The following ADAM20 variants were observed in gnomAD, a reference collection of about 807,000 sequenced individuals.
ADAM20 encodes the protein ADAM metallopeptidase domain 20, also known as disintegrin and metalloproteinase domain-containing protein 20.
For missense variants in ADAM20, 871 were observed against 883.2 expected (o/e 0.99, Z 0.18); for synonymous variants, 305 against 310.2 (o/e 0.98, Z 0.18).
the ADAM20 span, among the ~76,000 whole-genome samples, chr14:70,570,496 C>G: frequency 6.6e-6 from 1 of 152,158 alleles, no homozygotes; most frequent in Non-Finnish European, 1.5e-5. Flanking sequence ...AGGAACATCT[C>G]TATGCACACA....
the ADAM20 span, among the ~76,000 whole-genome samples, chr14:70,546,733 C>T: frequency 6.6e-6 from 1 of 152,000 alleles, no homozygotes; most frequent in East Asian, 1.9e-4. Context: ...AACAACCTAA[C>T]AATGCATCTT....
At chr14:70,566,597 A>G in the ADAM20 span, among the ~76,000 whole-genome samples, 1 of 152,202 alleles carries the variant, frequency 6.6e-6, no homozygotes, top group African/African-American at 2.4e-5. Context: ...ATTACTTTAT[A>G]TGTAAATCAA....
chr14:70,531,892 A>G lies in ADAM20; in HGVS notation c.-177+2905T>C, dbSNP rs567601723. 1.1e-4 allele frequency among the ~76,000 whole-genome samples: 17 copies of G among 152,264 alleles called. No individual in the cohort carries two copies. The South Asian group carries it at 3.5e-3, about 32-fold the overall frequency. ...GAAAGACATCTCATTCATAGACTAGAAGACTTAATATTGTTAAAATGTCCA... is the reference window on the plus strand; with the variant it reads ...GAAAGACATCTCATTCATAGACTAGGAGACTTAATATTGTTAAAATGTCCA... On this transcript the variant is annotated intron_variant, in intron 1 of 1. Transcript: ENST00000256389.
At chr14:70,555,397 C>A in the ADAM20 span, among the ~76,000 whole-genome samples, 2 of 152,094 alleles carry the variant, frequency 1.3e-5, no homozygotes, top group Non-Finnish European at 2.9e-5. Context: ...TAAATATATA[C>A]AATTTTAACT....
chr14:70,556,186 C>T, the ADAM20 span: 2 of 152,506 alleles, frequency 1.3e-5, no homozygotes, highest in Non-Finnish European at 1.5e-5. Flanking sequence ...CCAGGCCCTA[C>T]TGGCGCTCTG....
At chr14:70,576,067 C>T in the ADAM20 span, among the ~76,000 whole-genome samples, 3 of 152,022 alleles carry the variant, frequency 2.0e-5, no homozygotes, top group Non-Finnish European at 4.4e-5. Context: ...GCAAAATCAA[C>T]AAGCTATGTA....
Position 70,532,385 on chromosome 14 carries a change from G to A in ADAM20, c.-177+2412C>T, listed in dbSNP as rs904935956. Among the ~76,000 whole-genome samples the A allele has an allele frequency of 3.2e-4, 48 of 151,814 alleles. 1 individual carries two copies. The highest frequency in any genetic ancestry group is 1.8e-3 in the Admixed American group (27 of 15,248). On this transcript the variant is annotated intron_variant, in intron 1 of 1. Transcript: ENST00000256389. Reference sequence around the variant, plus strand: ...TATAAAACTTTAAAAAAACACACACGAGAAAATCTTCACAGCATTTGTTTT... The same window carrying A: ...TATAAAACTTTAAAAAAACACACACAAGAAAATCTTCACAGCATTTGTTTT...
Position 70,523,867 on chromosome 14 carries a change from A to T in ADAM20, c.891T>A (p.His297Gln), listed in dbSNP as rs1260417207. 5 of 1,613,854 alleles carry T rather than the reference A, an allele frequency of 3.1e-6. No homozygotes were observed. The change falls in exon 2 of 2, where the codon CAT becomes CAA. Residue 297 changes from histidine (H) to glutamine (Q), a missense_variant. By Grantham distance (24) the His-to-Gln change is conservative. Transcript: ENST00000256389. Reference protein sequence around the residue: ...LNNRLQHDVAHLFIKDTQGMK... With the variant: ...LNNRLQHDVAQLFIKDTQGMK... ...TGCCTTGTGTGTCTTTTATGAAAAG[A>T]TGTGCAACATCATGTTGTAGTCGAT...
chr14:70,524,880 G>T lies in ADAM20; in HGVS notation c.-123C>A, dbSNP rs1883554545. 1.2e-6 allele frequency: 2 copies of T among 1,611,908 alleles called. No homozygotes were observed. Among genetic ancestry groups the T allele is most frequent in the Admixed American group, 3.3e-5 (2 of 59,892 alleles). ...CATGGCTGACCTTTAGGGATCTGGG[G>T]ATCTGTGTCCTGGTGGAGCTGGACC... On this transcript the variant is annotated 5_prime_UTR_variant, in exon 2 of 2. Transcript: ENST00000256389.
chr14:70,576,566 G>A, the ADAM20 span, among the ~76,000 whole-genome samples: 1 of 152,086 alleles, frequency 6.6e-6, no homozygotes, highest in African/African-American at 2.4e-5. Context: ...ATTCATTCAT[G>A]TACTCAATAG....
chr14:70,532,745 T>C (rs1595022605), intron 1 of ADAM20, among the ~76,000 whole-genome samples: 1 of 152,192 alleles, frequency 6.6e-6, no homozygotes, highest in Non-Finnish European at 1.5e-5. Flanking sequence ...ACAGGAGAAG[T>C]ATTTGCCAAA....
rs773536263 is a variant in ADAM20 at position 70,524,240 on chromosome 14, C to T, written c.518G>A (p.Cys173Tyr). The change falls in exon 2 of 2, where the codon TGT becomes TAT. Residue 173 changes from cysteine (C) to tyrosine (Y), a missense_variant. Cys to Tyr is a radical substitution (Grantham distance 194). Transcript: ENST00000256389. The part of the protein sequence containing the change: ...SDDTQFPPMR[C>Y]GLTEEKIAHQ... ...TGCTATTTTCTCTTCTGTTAACCCA[C>T]ATCTCATAGGTGGAAACTGTGTATC... 33 of 1,614,002 alleles carry T rather than the reference C, an allele frequency of 2.0e-5. No individual in the cohort carries two copies. The East Asian group carries it at 4.2e-4, about 21-fold the overall frequency.
the ADAM20 span, among the ~76,000 whole-genome samples, chr14:70,573,377 A>G: frequency 6.6e-6 from 1 of 152,186 alleles, no homozygotes; most frequent in Admixed American, 6.5e-5. Flanking sequence ...TGGCTAAACA[A>G]TGGATACACA....
chr14:70,539,611 C>T (rs1883904737), upstream of ADAM20, among the ~76,000 whole-genome samples: 1 of 152,192 alleles, frequency 6.6e-6, no homozygotes, highest in African/African-American at 2.4e-5. Context: ...CCAGCTTTTG[C>T]TGCAACTGTT....
At chr14:70,577,952 T>C in the ADAM20 span, among the ~76,000 whole-genome samples, 1 of 152,172 alleles carries the variant, frequency 6.6e-6, no homozygotes, top group Non-Finnish European at 1.5e-5. Context: ...AGGGAAGCAC[T>C]TGATGCCATT....
At chr14:70,553,665 T>G in the ADAM20 span, among the ~76,000 whole-genome samples, 2,337 of 151,432 alleles carry the variant, frequency 0.015, 57 homozygotes, top group African/African-American at 0.048. Context: ...TGGTACATCA[T>G]ATCAACAGAA....
the ADAM20 span, among the ~76,000 whole-genome samples, chr14:70,546,330 A>G: frequency 6.6e-6 from 1 of 152,180 alleles, no homozygotes; most frequent in South Asian, 2.1e-4. Flanking sequence ...CAGTGTCATG[A>G]AGTCCTGATG....
rs17108204 is a variant in ADAM20 at position 70,522,458 on chromosome 14, C to T, written c.*119G>A. On this transcript the variant is annotated 3_prime_UTR_variant, in exon 2 of 2. Transcript: ENST00000256389. ...TGATAGCTAATGCTTGCAATCCTGA[C>T]ATGAAATGTCCATGAAGTTTTATTT... is the stretch of plus-strand genomic sequence containing the variant. The T allele has an allele frequency of 0.011, 11,849 of 1,040,344 alleles. 210 individuals are homozygous for T. The highest frequency in any genetic ancestry group is 0.07 in the African/African-American group (4,312 of 61,828). The allele number at this position is 1,040,344 out of a possible 1,614,324, so 64.4% of individuals were successfully genotyped here. A position where few individuals can be genotyped will look rare whatever the true frequency, so the allele number is the denominator to read the frequency against.
At chr14:70,544,932 A>G in the ADAM20 span, among the ~76,000 whole-genome samples, 13 of 152,320 alleles carry the variant, frequency 8.5e-5, no homozygotes, top group East Asian at 2.1e-3. Context: ...AAATTTATGA[A>G]TATCTAGCAA....
Sources: gnomAD v4.1 joint callset for allele counts (sites outside exome capture counted in the v4.1 genomes callset) on GRCh38, gnomAD v4.1.1 for gene constraint, MANE v1.5 for transcripts, NCBI Gene and HGNC (gene_info 2026-07-23, HGNC 2026-07-21) for gene names.